Variants in NPHS1 observed in about 807,000 individuals in gnomAD.
The protein encoded by NPHS1 is nephrin.
Under a neutral mutation model 139.7 loss-of-function variants are expected in NPHS1, and 107 were observed. That is an observed-to-expected ratio of 0.77 (90% CI 0.66 to 0.90). The LOEUF (loss-of-function observed/expected upper bound fraction) is 0.90, where lower values mean the gene tolerates loss of function less well. NPHS1 is among the 40% of genes least tolerant of loss of function. The pLI, the probability that NPHS1 is intolerant of heterozygous loss-of-function variation, is 0.00. For synonymous variants in NPHS1, 707 were observed against 706.6 expected, an observed-to-expected ratio of 1.00 and a Z score of -0.01; for missense variants, 1,580 against 1,654.2, an observed-to-expected ratio of 0.96 and a Z score of 0.78.
At chr19:35,849,711 A>G in intron 5 of NPHS1, 58 bp from the exon 6 acceptor site, 1 of 1,295,240 alleles carries the variant, frequency 7.7e-7, no homozygotes, top group Non-Finnish European at 1.1e-6. Context: ...TTGGGGAGTC[A>G]GGGAGAAGAG....
intron 19 of NPHS1, 75 bp from the exon 20 acceptor site, chr19:35,841,941 T>C (rs1973062020): frequency 1.6e-5 from 24 of 1,496,348 alleles, no homozygotes; most frequent in East Asian, 2.4e-5. Flanking sequence ...TATGCATCCA[T>C]CCATTAATGT....
intron 20 of NPHS1, among the ~76,000 whole-genome samples, chr19:35,839,868 T>C (rs1203472046): frequency 1.3e-5 from 2 of 151,998 alleles, no homozygotes; most frequent in East Asian, 1.9e-4. Context: ...AGCAAGACCC[T>C]GTCTCAAATT....
chr19:35,832,968 T>A (rs1599836557), intron 23 of NPHS1, among the ~76,000 whole-genome samples: 1 of 140,096 alleles, frequency 7.1e-6, no homozygotes, highest in African/African-American at 2.7e-5. Flanking sequence ...CACTGCAACC[T>A]CCACCTGCAG....
At chr19:35,849,899 G>A (rs1973208871) in intron 5 of NPHS1, among the ~76,000 whole-genome samples, 1 of 152,064 alleles carries the variant, frequency 6.6e-6, no homozygotes, top group Non-Finnish European at 1.5e-5. Flanking sequence ...TTCCCATGAA[G>A]TTTTTTTGTT....
At chr19:35,847,069 G>A (rs955363590) in intron 11 of NPHS1, among the ~76,000 whole-genome samples, 3 of 151,036 alleles carry the variant, frequency 2.0e-5, no homozygotes, top group Non-Finnish European at 2.9e-5. Flanking sequence ...TTTTTGAGAC[G>A]GAGTCTCCCT....
intron 23 of NPHS1, 69 bp from the exon 24 acceptor site, chr19:35,831,831 A>C: frequency 6.6e-7 from 1 of 1,505,776 alleles, no homozygotes; most frequent in Non-Finnish European, 9.0e-7. Context: ...GGTCTCCCCG[A>C]GAAAGTGTAG....
chr19:35,839,439 A>T (rs371295898), intron 21 of NPHS1, 21 bp from the exon 22 acceptor site: 1 of 1,613,906 alleles, frequency 6.2e-7, no homozygotes, highest in Non-Finnish European at 8.5e-7. Flanking sequence ...GGGGGATAGT[A>T]AATTCAGGGA....
Position 35,845,669 on chromosome 19 carries a change from C to G in NPHS1, c.1757G>C (p.Arg586Thr). Residue 586 changes from arginine (R) to threonine (T), a missense_variant and splice_region_variant, in exon 13 of 29, where the codon AGG becomes ACG. By Grantham distance (71) the Arg-to-Thr change is moderately conservative. Coordinates refer to ENST00000378910, the MANE Select transcript of NPHS1 (RefSeq NM_004646.4). This position sits in a 1 kb window ranked among gnomAD's most constrained non-coding sequence, Gnocchi z 5.5. ...GGGGAGGGATCCCTCGCACTCCCAC[C>G]TCTCCCCTTCCTTGTCCCAGGACAA... ...VNLSWDKEGE[R>T]LEGVAAPPRR... 1 of 1,613,506 alleles carries G rather than the reference C, an allele frequency of 6.2e-7. No individual in the cohort carries two copies. The highest frequency in any genetic ancestry group is 8.5e-7 in the Non-Finnish European group (1 of 1,179,746).
rs944722815 is a variant in NPHS1 at position 35,841,882 on chromosome 19, G to A, written c.2664-16C>T. 1 of 1,598,248 alleles carries A rather than the reference G, an allele frequency of 6.3e-7. No individual in the cohort carries two copies. The highest frequency in any genetic ancestry group is 8.5e-7 in the Non-Finnish European group (1 of 1,172,092). On this transcript the variant is annotated splice_polypyrimidine_tract_variant and intron_variant, in intron 19 of 28. Coordinates refer to ENST00000378910, the MANE Select transcript of NPHS1 (RefSeq NM_004646.4). ...CTCCGTGTACCTAGAGAGAAGGTAG[G>A]GCACCACTCACCCTTCCATTCACCC...
In NPHS1 at chr19:35,831,209, G is replaced by C; in HGVS notation, c.3388-63C>G. The C allele has an allele frequency of 5.0e-6, 8 of 1,610,094 alleles. No homozygotes were observed. In the South Asian group the frequency reaches 7.7e-5, roughly 15 times the overall value. On this transcript the variant is annotated intron_variant, in intron 26 of 28. Transcript: ENST00000378910. The stretch of plus-strand genomic sequence containing the variant: ...TCCTCTGACCCCACTGTGCCCGGAA[G>C]GGCAATGATCAACCTGATGCTAACG...
intron 5 of NPHS1, among the ~76,000 whole-genome samples, 194 bp from the exon 6 acceptor site, chr19:35,849,847 C>T (rs1367358642): frequency 1.3e-5 from 2 of 152,156 alleles, no homozygotes; most frequent in East Asian, 1.9e-4. Flanking sequence ...GAGAGCCCCA[C>T]ATCTGACCAA....
intron 22 of NPHS1, among the ~76,000 whole-genome samples, chr19:35,836,369 C>T (rs576283911): frequency 3.0e-4 from 45 of 151,380 alleles, no homozygotes; most frequent in Admixed American, 6.6e-4. Flanking sequence ...GCTATCCTCC[C>T]GCCTCAGACT....
At chr19:35,827,293 TA>T (rs1285888255) in intron 28 of NPHS1, among the ~76,000 whole-genome samples, 1 of 152,000 alleles carries the variant, frequency 6.6e-6, no homozygotes, top group South Asian at 2.1e-4. Context: ...ACCGAGCCTA[TA>T]AAAAATATTT....
chr19:35,843,997 A>G, intron 16 of NPHS1, 106 bp downstream of exon 16: 1 of 1,483,136 alleles, frequency 6.7e-7, no homozygotes, highest in Non-Finnish European at 9.2e-7. Context: ...GGAGGGTTCC[A>G]GGATGGGTGG....
At chr19:35,850,508 T>A (rs1973223617) in intron 4 of NPHS1, 63 bp from the exon 5 acceptor site, 2 of 1,443,888 alleles carry the variant, frequency 1.4e-6, no homozygotes, top group Admixed American at 3.4e-5. Flanking sequence ...CTGGGGAGCA[T>A]GGCCTGGAAG....
Position 35,845,700 on chromosome 19 carries a change from C to G in NPHS1, c.1726G>C (p.Val576Leu). ...TCVSVSSNPP[V>L]NLSWDKEGER... ...CCTTCCTTGTCCCAGGACAAGTTGA[C>G]CGGCGGATTGCTGCTGACGCTGACG... Residue 576 changes from valine to leucine, a missense_variant, in exon 13 of 29, where the codon GTC becomes CTC. Transcript: ENST00000378910. This position sits in a 1 kb window ranked among gnomAD's most constrained non-coding sequence, Gnocchi z 5.5. 6.2e-7 allele frequency: 1 copy of G among 1,614,044 alleles called. No individual in the cohort carries two copies.
rs761380996 is a variant in NPHS1, at chr19:35,826,496, A to G, written c.*18T>C. The G allele has an allele frequency of 5.6e-6, 9 of 1,613,120 alleles. No individual in the cohort carries two copies. The highest frequency in any genetic ancestry group is 7.6e-6 in the Non-Finnish European group (9 of 1,179,890). ...TGTAAATTCCTGCAGGTGCAGGACA[A>G]TGGGGTTGAGAGGGCTCTTACACCA... On this transcript the variant is annotated 3_prime_UTR_variant, in exon 29 of 29. Transcript: ENST00000378910.
chr19:35,851,842 G>A lies in NPHS1; in HGVS notation c.-5C>T, dbSNP rs1293346007. 5.8e-6 allele frequency: 9 copies of A among 1,550,940 alleles called. No individual in the cohort carries two copies. Among genetic ancestry groups the A allele is most frequent in the Admixed American group, 2.0e-5 (1 of 50,992 alleles). On this transcript the variant is annotated 5_prime_UTR_variant, in exon 1 of 29. Coordinates refer to ENST00000378910, the MANE Select transcript of NPHS1 (RefSeq NM_004646.4). ...GAGCGTCGTCCCCAGGGCCATCACA[G>A]GTCCCCCTACTGTGACCCCCACAGC... is the stretch of plus-strand genomic sequence containing the variant.
At position 35,846,153 on chromosome 19, in the gene NPHS1, CG is replaced by C. The variant is rs386833883; in HGVS notation, c.1481del (p.Ser494CysfsTer55). On this transcript the variant is annotated frameshift_variant, in exon 12 of 29. Transcript: ENST00000378910. LOFTEE classifies it high-confidence loss of function. ...CCACGCTGCCGAGATGCACGCGCCG[CG>C]ACTCCTGCGGCAGCCGCGACTCGGT... ...TVTESRLPQE[S>X]RRVHLGSVEK... The C allele has an allele frequency of 2.5e-6, 4 of 1,596,236 alleles. No homozygotes were observed. The highest frequency in any genetic ancestry group is 2.6e-6 in the Non-Finnish European group (3 of 1,173,186).
Sources: allele counts gnomAD v4.1 joint callset (sites outside exome capture counted in the v4.1 genomes callset), GRCh38; gene constraint gnomAD v4.1.1; non-coding constraint Gnocchi (gnomAD v3.1); transcripts MANE v1.5; gene names NCBI Gene and HGNC (gene_info 2026-07-23, HGNC 2026-07-21).